Variants in HIBADH observed in about 807,000 individuals in gnomAD.
HIBADH encodes 3-hydroxyisobutyrate dehydrogenase, mitochondrial.
In HIBADH, 25 loss-of-function variants were observed where a neutral mutation model predicts 36.1. That is an observed-to-expected ratio of 0.69 (90% confidence interval 0.50 to 0.97). The LOEUF is 0.97. Among genes scored for constraint, HIBADH ranks in the 50% least tolerant of loss-of-function variants. The pLI, the probability that HIBADH is intolerant of heterozygous loss-of-function variation, is 0.00. For synonymous variants in HIBADH, 160 were observed against 149.5 expected, an observed-to-expected ratio of 1.07 and a Z score of -0.51; for missense variants, 421 against 418.0, an observed-to-expected ratio of 1.01 and a Z score of -0.06.
At chr7:27,587,151 A>C (rs1319643937) in intron 4 of HIBADH, among the ~76,000 whole-genome samples, 2 of 152,230 alleles carry the variant, frequency 1.3e-5, no homozygotes, top group African/African-American at 4.8e-5. Context: ...CTGACAGTTC[A>C]CATTTTTTGC....
intron 4 of HIBADH, among the ~76,000 whole-genome samples, chr7:27,546,407 C>T (rs927878422): frequency 7.2e-5 from 11 of 152,082 alleles, no homozygotes; most frequent in Non-Finnish European, 1.3e-4. Flanking sequence ...GTATGAGCAC[C>T]GTGACCAGCT....
At chr7:27,652,629 G>A (rs867749732) in intron 1 of HIBADH, among the ~76,000 whole-genome samples, 2 of 152,194 alleles carry the variant, frequency 1.3e-5, no homozygotes, top group East Asian at 3.9e-4. Flanking sequence ...CAACATGAAG[G>A]TGACAGCAGA....
intron 1 of HIBADH, among the ~76,000 whole-genome samples, chr7:27,660,796 T>A (rs1000336339): frequency 6.6e-6 from 1 of 152,206 alleles, no homozygotes; most frequent in African/African-American, 2.4e-5. Flanking sequence ...GAACCCAAAG[T>A]ACAAGACCAT....
At chr7:27,534,087 CTG>C (rs1323167565) in intron 6 of HIBADH, among the ~76,000 whole-genome samples, 1 of 152,174 alleles carries the variant, frequency 6.6e-6, no homozygotes, top group Non-Finnish European at 1.5e-5. Flanking sequence ...ATAAACGTCA[CTG>C]TGTCAAATCT....
In HIBADH at chr7:27,614,214, A is replaced by G. The variant is rs141255623; in HGVS notation, c.484+15157T>C. ...ACTTCCTCTTTAAGTTGTTCTGAGT[A>G]TTTCTCTCTTATCTCATCCCCACTA... is the stretch of plus-strand genomic sequence containing the variant. On this transcript the variant is annotated intron_variant, in intron 4 of 7. Transcript: ENST00000265395. Among the ~76,000 whole-genome samples the G allele has an allele frequency of 9.0e-3, 1,371 of 152,234 alleles. 24 individuals carry two copies. The highest frequency in any genetic ancestry group is 0.031 in the African/African-American group (1,305 of 41,520).
chr7:27,544,793 T>TA (rs886511287), intron 4 of HIBADH, among the ~76,000 whole-genome samples: 3 of 152,258 alleles, frequency 2.0e-5, no homozygotes, highest in Admixed American at 6.5e-5. Flanking sequence ...GTCATTTATT[T>TA]AAAAAAAATT....
intron 4 of HIBADH, among the ~76,000 whole-genome samples, chr7:27,591,206 T>C (rs900591122): frequency 1.3e-5 from 2 of 152,160 alleles, no homozygotes; most frequent in African/African-American, 4.8e-5. Flanking sequence ...AGTCTCTCCT[T>C]AGAAGTAAAT....
chr7:27,579,595 A>G (rs1784761098), intron 4 of HIBADH, among the ~76,000 whole-genome samples: 1 of 152,200 alleles, frequency 6.6e-6, no homozygotes, highest in South Asian at 2.1e-4. Flanking sequence ...CTTAACCATT[A>G]CTTCGTATTA....
chr7:27,526,150 G>A lies in HIBADH; in HGVS notation c.*64C>T, dbSNP rs1783892304. On this transcript the variant is annotated 3_prime_UTR_variant, in exon 8 of 8. Coordinates refer to ENST00000265395, the MANE Select transcript of HIBADH (RefSeq NM_152740.4). ...GATTAAATCCATTTACTTGTGGAGT[G>A]AGCTAAAAGGAGGCTCCAAGACAGA... is the stretch of plus-strand genomic sequence containing the variant. The A allele has an allele frequency of 1.4e-6, 2 of 1,379,582 alleles. No individual in the cohort carries two copies. The highest frequency in any genetic ancestry group is 1.9e-6 in the Non-Finnish European group (2 of 1,030,742). 85.5% of individuals were successfully genotyped at this position (1,379,582 alleles called of 1,614,324 possible).
chr7:27,540,179 C>T (rs1324691834), intron 5 of HIBADH, among the ~76,000 whole-genome samples: 1 of 152,130 alleles, frequency 6.6e-6, no homozygotes, highest in Non-Finnish European at 1.5e-5. Flanking sequence ...GCTTTATTTT[C>T]AGTGTCTGTA....
At chr7:27,577,156 T>A (rs1784722373) in intron 4 of HIBADH, among the ~76,000 whole-genome samples, 1 of 134,524 alleles carries the variant, frequency 7.4e-6, no homozygotes, top group Admixed American at 8.4e-5. Flanking sequence ...TTTCCAAGCA[T>A]CATTTCTCTC....
intron 4 of HIBADH, among the ~76,000 whole-genome samples, chr7:27,587,596 C>T (rs1050228524): frequency 6.6e-6 from 1 of 152,204 alleles, no homozygotes; most frequent in Non-Finnish European, 1.5e-5. Flanking sequence ...CCCCTGCACC[C>T]TCTAGCCCTA....
chr7:27,599,794 G>GT (rs567410239), intron 4 of HIBADH, among the ~76,000 whole-genome samples: 48 of 149,952 alleles, frequency 3.2e-4, no homozygotes, highest in Admixed American at 8.6e-4. Context: ...TTTAAGGGAA[G>GT]TTTTTTTTCT....
chr7:27,563,207 T>C (rs1055237819), intron 4 of HIBADH, among the ~76,000 whole-genome samples: 1 of 152,244 alleles, frequency 6.6e-6, no homozygotes, highest in Admixed American at 6.5e-5. Flanking sequence ...ACAATGCCTT[T>C]GGGTTACCTG....
At chr7:27,604,452 C>T (rs939376992) in intron 4 of HIBADH, among the ~76,000 whole-genome samples, 1 of 150,546 alleles carries the variant, frequency 6.6e-6, no homozygotes, top group African/African-American at 2.4e-5. Flanking sequence ...ATGTTGGCTA[C>T]ATAGCTCACA....
intron 4 of HIBADH, among the ~76,000 whole-genome samples, chr7:27,560,930 A>C (rs1784457047): frequency 6.6e-6 from 1 of 152,172 alleles, no homozygotes; most frequent in South Asian, 2.1e-4. Context: ...CAACAGTGCA[A>C]AAGGGTTCTA....
intron 4 of HIBADH, among the ~76,000 whole-genome samples, chr7:27,555,725 C>A (rs981468368): frequency 2.6e-5 from 4 of 152,092 alleles, no homozygotes; most frequent in African/African-American, 9.7e-5. Flanking sequence ...CAATTCAATA[C>A]TATGTCAAGA....
At chr7:27,572,959 G>C (rs150230907) in intron 4 of HIBADH, among the ~76,000 whole-genome samples, 1 of 152,078 alleles carries the variant, frequency 6.6e-6, no homozygotes, top group African/African-American at 2.4e-5. Flanking sequence ...AACTACAACA[G>C]AAGAGTAAAA....
At chr7:27,561,295 T>C (rs1241998790) in intron 4 of HIBADH, among the ~76,000 whole-genome samples, 1 of 152,204 alleles carries the variant, frequency 6.6e-6, no homozygotes, top group Non-Finnish European at 1.5e-5. Flanking sequence ...AAAGTCCTGC[T>C]GCAGCTGCAT....
Sources: allele counts gnomAD v4.1 joint callset (sites outside exome capture counted in the v4.1 genomes callset), GRCh38; gene constraint gnomAD v4.1.1; transcripts MANE v1.5; gene names NCBI Gene and HGNC (gene_info 2026-07-23, HGNC 2026-07-21).